The following EMID1 variants were observed in gnomAD, a reference collection of about 807,000 sequenced individuals.
EMID1 encodes EMI domain-containing protein 1.
A neutral mutation model predicts 60.6 loss-of-function variants in EMID1; 40 were observed. The observed-to-expected ratio is 0.66, with a 90% CI of 0.51 to 0.86. EMID1 has a LOEUF of 0.86. EMID1 is among the 40% of genes least tolerant of loss of function. The probability of loss-of-function intolerance (pLI) is 0.00; values close to 1 mark genes in which losing one functional copy is unlikely to be tolerated. For synonymous variants in EMID1, 242 were observed against 231.0 expected, an observed-to-expected ratio of 1.05 and a Z score of -0.43; for missense variants, 585 against 597.1, an observed-to-expected ratio of 0.98 and a Z score of 0.21.
At chr22:29,243,266 CTTT>C (rs1488846701) in intron 12 of EMID1, among the ~76,000 whole-genome samples, 176 bp from the exon 13 acceptor site, 1 of 152,218 alleles carries the variant, frequency 6.6e-6, no homozygotes, top group African/African-American at 2.4e-5. Context: ...TGTCTGTCTG[CTTT>C]TTATTACTTT....
At chr22:29,210,463 C>T (rs1261048811) in intron 1 of EMID1, among the ~76,000 whole-genome samples, 2 of 151,828 alleles carry the variant, frequency 1.3e-5, no homozygotes, top group African/African-American at 2.4e-5. Flanking sequence ...CTCGAACTCC[C>T]GACCTCAGGT....
chr22:29,226,418 C>G (rs1568981153), intron 4 of EMID1, 72 bp from the exon 5 acceptor site: 3 of 1,530,546 alleles, frequency 2.0e-6, no homozygotes, highest in Non-Finnish European at 2.7e-6. Context: ...ATCCCAACCC[C>G]CAGAGACTGA....
At chr22:29,232,635 C>A in intron 8 of EMID1, 1 of 490,814 alleles carries the variant, frequency 2.0e-6, no homozygotes, top group Admixed American at 3.8e-5. Context: ...CGTAGGGGAA[C>A]GGCTTCAAAC....
intron 8 of EMID1, chr22:29,232,608 G>C (rs2040793839): frequency 1.7e-6 from 1 of 584,410 alleles, no homozygotes; most frequent in Non-Finnish European, 2.8e-6. Flanking sequence ...TGGCTTGCCA[G>C]GGTCCCACAG....
At chr22:29,208,087 A>G (rs1032940842) in intron 1 of EMID1, among the ~76,000 whole-genome samples, 2 of 152,160 alleles carry the variant, frequency 1.3e-5, no homozygotes, top group African/African-American at 4.8e-5. Context: ...CCTGCTATCA[A>G]TCATGTCACA....
chr22:29,239,960 C>T (rs574784092), intron 12 of EMID1, among the ~76,000 whole-genome samples: 80 of 151,366 alleles, frequency 5.3e-4, no homozygotes, highest in African/African-American at 8.7e-4. Flanking sequence ...TACAGGCGCC[C>T]GCCACCACAC....
chr22:29,232,019 T>G, intron 7 of EMID1: 2 of 589,956 alleles, frequency 3.4e-6, no homozygotes, highest in Admixed American at 3.1e-5. Flanking sequence ...GTGACCAGGG[T>G]TTCTATGAGG....
At chr22:29,234,966 G>A (rs866995634) in intron 12 of EMID1, among the ~76,000 whole-genome samples, 5 of 151,804 alleles carry the variant, frequency 3.3e-5, no homozygotes, top group Middle Eastern at 3.4e-3. Context: ...AAGGTGGATC[G>A]TTTGAGCTCA....
intron 13 of EMID1, among the ~76,000 whole-genome samples, chr22:29,245,236 TGG>T (rs1262932906): frequency 6.6e-6 from 1 of 152,188 alleles, no homozygotes; most frequent in Non-Finnish European, 1.5e-5. Context: ...TGAGCTGAGC[TGG>T]GATCAGATAG....
intron 8 of EMID1, chr22:29,232,962 T>G (rs2040810868): frequency 4.6e-6 from 1 of 218,666 alleles, no homozygotes; most frequent in Non-Finnish European, 9.1e-6. Context: ...CATTCTGCCA[T>G]CCCAGCATTC....
intron 1 of EMID1, 99 bp downstream of exon 1, chr22:29,206,238 C>G: frequency 1.0e-6 from 1 of 965,896 alleles, no homozygotes; most frequent in East Asian, 3.5e-5. Context: ...GCGATCCAGT[C>G]CCCAGCCCGG....
At chr22:29,233,935 G>A in intron 10 of EMID1, 1 of 674,000 alleles carries the variant, frequency 1.5e-6, no homozygotes, top group South Asian at 2.0e-5. Flanking sequence ...ACATGGCAAT[G>A]AGCTGTGGTG....
At chr22:29,231,236 C>G in intron 6 of EMID1, 96 bp downstream of exon 6, 1 of 1,477,794 alleles carries the variant, frequency 6.8e-7, no homozygotes, top group Non-Finnish European at 9.0e-7. Flanking sequence ...TGACTCCCAA[C>G]TTAACCCTCT....
At chr22:29,255,493 C>A (rs1399266588) in intron 14 of EMID1, 2 of 661,252 alleles carry the variant, frequency 3.0e-6, no homozygotes, top group Non-Finnish European at 4.8e-6. Flanking sequence ...GCCAGCCAGC[C>A]AGCAAATGGT....
At chr22:29,243,852 C>A (rs2041235161) in intron 13 of EMID1, among the ~76,000 whole-genome samples, 1 of 152,216 alleles carries the variant, frequency 6.6e-6, no homozygotes, top group Non-Finnish European at 1.5e-5. Flanking sequence ...CCCTCCCAGC[C>A]AAGGCTTAGC....
At chr22:29,244,119 C>T (rs1204637880) in intron 13 of EMID1, among the ~76,000 whole-genome samples, 1 of 152,148 alleles carries the variant, frequency 6.6e-6, no homozygotes, top group Non-Finnish European at 1.5e-5. Flanking sequence ...CTTAAAGGAC[C>T]TATAGTTTAC....
intron 3 of EMID1, among the ~76,000 whole-genome samples, chr22:29,215,870 G>A (rs1200498344): frequency 6.6e-6 from 1 of 152,170 alleles, no homozygotes; most frequent in African/African-American, 2.4e-5. Flanking sequence ...ATGCTGCATA[G>A]CTCACATTTT....
intron 13 of EMID1, among the ~76,000 whole-genome samples, chr22:29,249,234 C>CT (rs912458576): frequency 5.6e-4 from 84 of 149,120 alleles, no homozygotes; most frequent in Non-Finnish European, 8.5e-4. Context: ...GATGGCTTTT[C>CT]TTTTTTTTTT....
intron 14 of EMID1, 144 bp downstream of exon 14, chr22:29,254,431 A>C: frequency 1.3e-6 from 1 of 741,520 alleles, no homozygotes; most frequent in Non-Finnish European, 2.3e-6. Context: ...CTGAGAGGCC[A>C]CAACCACCCT....
Sources: gnomAD v4.1 joint callset for allele counts (sites outside exome capture counted in the v4.1 genomes callset) on GRCh38, gnomAD v4.1.1 for gene constraint, MANE v1.5 for transcripts, NCBI Gene and HGNC (gene_info 2026-07-23, HGNC 2026-07-21) for gene names.